The following ADAMTSL1 variants were observed in gnomAD, a reference collection of about 807,000 sequenced individuals.
The protein encoded by ADAMTSL1 is ADAMTS like 1.
Under a neutral mutation model 201.8 loss-of-function variants are expected in ADAMTSL1, and 126 were observed. The observed-to-expected ratio is 0.62, with a 90% confidence interval of 0.54 to 0.72. The LOEUF (loss-of-function observed/expected upper bound fraction) is 0.72. Ranked by LOEUF, ADAMTSL1 falls within the 30% of genes least tolerant of loss-of-function variation. ADAMTSL1 has a pLI of 0.00. For synonymous variants in ADAMTSL1, 1,121 were observed against 903.4 expected, an observed-to-expected ratio of 1.24 and a Z score of -4.32; for missense variants, 2,679 against 2,277.8, an observed-to-expected ratio of 1.18 and a Z score of -3.59.
At chr9:18,217,289 G>A (rs542020503) in intron 2 of ADAMTSL1, among the ~76,000 whole-genome samples, 1 of 152,254 alleles carries the variant, frequency 6.6e-6, no homozygotes, top group Admixed American at 6.5e-5. Context: ...GTTTAGATGA[G>A]GAGCCTGAGG....
intron 1 of ADAMTSL1, among the ~76,000 whole-genome samples, chr9:18,143,520 G>C (rs1044612328): frequency 6.6e-6 from 1 of 152,060 alleles, no homozygotes; most frequent in African/African-American, 2.4e-5. Context: ...TTAAAGCCGG[G>C]TTTTTTGTCA....
At chr9:18,271,303 G>A (rs943967395) in intron 2 of ADAMTSL1, among the ~76,000 whole-genome samples, 6 of 152,028 alleles carry the variant, frequency 3.9e-5, no homozygotes, top group South Asian at 2.1e-4. Flanking sequence ...TTTACATTAG[G>A]TATATCTCCT....
Position 18,550,604 on chromosome 9 carries a change from G to A in ADAMTSL1, c.237+17312G>A, listed in dbSNP as rs555686725. Among the ~76,000 whole-genome samples, 3 of 151,894 alleles carry A rather than the reference G, an allele frequency of 2.0e-5. No individual in the cohort carries two copies. In the South Asian group the frequency reaches 6.2e-4, roughly 32 times the overall value. On this transcript the variant is annotated intron_variant, in intron 3 of 28. Coordinates refer to ENST00000380548, the MANE Select transcript of ADAMTSL1 (RefSeq NM_001040272.6). ...TGCATTTGGATGTGGATTCATCTCC[G>A]CAGCCTCTAAAAAGTAAGCCCTTCC...
intron 23 of ADAMTSL1, among the ~76,000 whole-genome samples, chr9:18,840,160 T>C (rs1249807117): frequency 4.0e-5 from 6 of 150,808 alleles, no homozygotes; most frequent in African/African-American, 7.3e-5. Flanking sequence ...AGGGTTTTTA[T>C]GGTTTTAGGT....
intron 16 of ADAMTSL1, among the ~76,000 whole-genome samples, chr9:18,769,278 A>G (rs1476063052): frequency 6.6e-6 from 1 of 152,208 alleles, no homozygotes; most frequent in Non-Finnish European, 1.5e-5. Context: ...CCAGCAAAGC[A>G]GGTACTTCAG....
chr9:18,817,303 ACAAATTAGACAC>A, intron 21 of ADAMTSL1, 66 bp downstream of exon 21: 1 of 1,467,416 alleles, frequency 6.8e-7, no homozygotes, highest in Non-Finnish European at 9.2e-7. Flanking sequence ...GGATACAAAG[ACAAATTAGACAC>A]AAATTCTACT....
chr9:18,109,093 A>G (rs1407017718), intron 1 of ADAMTSL1, among the ~76,000 whole-genome samples: 2 of 152,216 alleles, frequency 1.3e-5, no homozygotes, highest in African/African-American at 4.8e-5. Flanking sequence ...AACTGCATAC[A>G]TAGACATTAG....
chr9:17,994,833 G>A (rs899622053), intron 1 of ADAMTSL1, among the ~76,000 whole-genome samples: 1 of 152,080 alleles, frequency 6.6e-6, no homozygotes, highest in Non-Finnish European at 1.5e-5. Context: ...TATTAAAGTG[G>A]ACGCATCAGT....
chr9:18,335,738 T>C (rs984651774), intron 2 of ADAMTSL1, among the ~76,000 whole-genome samples: 6 of 152,164 alleles, frequency 3.9e-5, no homozygotes, highest in African/African-American at 1.4e-4. Flanking sequence ...GTGTAAAACA[T>C]ATATTAGTGC....
intron 2 of ADAMTSL1, among the ~76,000 whole-genome samples, chr9:18,345,980 C>A (rs1835695719): frequency 6.6e-6 from 1 of 152,044 alleles, no homozygotes; most frequent in African/African-American, 2.4e-5. Context: ...GTGGTCCTGG[C>A]CCTCTCATGT....
intron 2 of ADAMTSL1, among the ~76,000 whole-genome samples, chr9:18,323,831 G>A (rs1209350436): frequency 1.3e-5 from 2 of 152,030 alleles, no homozygotes; most frequent in Non-Finnish European, 2.9e-5. Context: ...AAATCAAATA[G>A]GCCTAAATAA....
Position 18,639,374 on chromosome 9 carries a change from G to T in ADAMTSL1, c.797G>T (p.Arg266Ile). The T allele has an allele frequency of 2.5e-6, 4 of 1,612,968 alleles. No homozygotes were observed. The highest frequency in any genetic ancestry group is 1.7e-4 in the Middle Eastern group (1 of 6,054). The change falls in exon 7 of 29, where the codon AGA (arginine) becomes ATA (isoleucine). Residue 266 changes from arginine to isoleucine, a missense_variant. Arg to Ile is a moderately conservative substitution (Grantham distance 97). Transcript: ENST00000380548. ...AAATTTCCAGACAAAGAGATACTGA[G>T]AATGGCTGGACCACTCACAGCAGAT... ...FQKFPDKEIL[R>I]MAGPLTADFI...
At position 18,504,870 on chromosome 9, in the gene ADAMTSL1, A is replaced by G. The variant is rs61742718; in HGVS notation, c.105A>G (p.Leu35=). The G allele has an allele frequency of 3.0e-3, 4,900 of 1,613,970 alleles. 129 individuals carry two copies. In the African/African-American group the frequency reaches 0.057, roughly 19 times the overall value. Residue 35 remains leucine (L), a synonymous_variant, in exon 2 of 29, where the codon CTA becomes CTG. Transcript: ENST00000380548. ...GCTCCGAGGAGGACCGGGACGGCCTATGGGATGCCTGGGGCCCATGGAGTG... is the reference window on the plus strand; with the variant it reads ...GCTCCGAGGAGGACCGGGACGGCCTGTGGGATGCCTGGGGCCCATGGAGTG... The part of the protein sequence containing the change: ...TARSEEDRDG[L]WDAWGPWSEC...
At chr9:18,792,559 A>G (rs554576540) in intron 19 of ADAMTSL1, among the ~76,000 whole-genome samples, 1 of 152,286 alleles carries the variant, frequency 6.6e-6, no homozygotes, top group African/African-American at 2.4e-5. Context: ...TACCTTTGCC[A>G]TGTGGTGAAA....
Position 18,064,011 on chromosome 9 carries a change from G to A in ADAMTSL1, c.88-99851G>A, listed in dbSNP as rs1280170511. On this transcript the variant is annotated intron_variant, in intron 1 of 29. Transcript: ENST00000680146. ...TCTCTCCCCTCATTCATGGCACCAT[G>A]CATATTTTTATGAATCCCCTCTCTT... 2.6e-5 allele frequency among the ~76,000 whole-genome samples: 4 copies of A among 152,086 alleles called. No individual in the cohort carries two copies. The South Asian group carries it at 6.2e-4, about 24-fold the overall frequency.
At chr9:18,183,845 A>C (rs550923878) in intron 2 of ADAMTSL1, among the ~76,000 whole-genome samples, 3 of 152,236 alleles carry the variant, frequency 2.0e-5, no homozygotes, top group African/African-American at 7.2e-5. Flanking sequence ...TCTTGTATGG[A>C]TAACTTTTCT....
chr9:18,345,013 A>T (rs1283797131), intron 2 of ADAMTSL1, among the ~76,000 whole-genome samples: 3 of 152,098 alleles, frequency 2.0e-5, no homozygotes, highest in African/African-American at 7.2e-5. Context: ...TCCGACAAAC[A>T]TGAGAGTGGC....
At chr9:18,382,753 A>G (rs561248696) in intron 2 of ADAMTSL1, among the ~76,000 whole-genome samples, 1 of 152,214 alleles carries the variant, frequency 6.6e-6, no homozygotes. Flanking sequence ...TTTTCTTGCA[A>G]TTACCCCTCA....
intron 1 of ADAMTSL1, among the ~76,000 whole-genome samples, chr9:18,069,257 C>T (rs1389689300): frequency 6.6e-6 from 1 of 152,070 alleles, no homozygotes; most frequent in Non-Finnish European, 1.5e-5. Flanking sequence ...ATGATAATTT[C>T]AATATATCGA....
Sources: allele counts gnomAD v4.1 joint callset (sites outside exome capture counted in the v4.1 genomes callset), GRCh38; gene constraint gnomAD v4.1.1; transcripts MANE v1.5; gene names NCBI Gene and HGNC (gene_info 2026-07-23, HGNC 2026-07-21).